The following RAB38 variants were observed in gnomAD, a reference collection of about 807,000 sequenced individuals.
RAB38 encodes the protein ras-related protein Rab-38.
RAB38 carries 15 observed loss-of-function variants against 18.4 expected under a neutral mutation model. The observed-to-expected ratio is 0.82, with a 90% CI of 0.55 to 1.26. The LOEUF (loss-of-function observed/expected upper bound fraction) is 1.26. RAB38 is among the 50% of genes most tolerant of loss of function. RAB38 has a pLI of 0.00. For synonymous variants in RAB38, 101 were observed against 104.4 expected (o/e 0.97, Z 0.20); for missense variants, 294 against 267.4 (o/e 1.10, Z -0.69).
the RAB38 span, among the ~76,000 whole-genome samples, chr11:88,080,322 T>C: frequency 6.6e-6 from 1 of 151,840 alleles, no homozygotes; most frequent in African/African-American, 2.4e-5. Context: ...ATAAATCCAA[T>C]AATAAATATG....
the RAB38 span, among the ~76,000 whole-genome samples, chr11:87,941,092 A>C: frequency 2.0e-3 from 296 of 151,222 alleles, no homozygotes; most frequent in Non-Finnish European, 3.1e-3. Flanking sequence ...CTCTTAAAAG[A>C]ACCTGAAGTT....
At chr11:87,905,446 T>G in the RAB38 span, among the ~76,000 whole-genome samples, 1 of 151,856 alleles carries the variant, frequency 6.6e-6, no homozygotes, top group African/African-American at 2.4e-5. Flanking sequence ...ACCTTATAAA[T>G]GGTGTATTTT....
At chr11:88,016,967 C>T in the RAB38 span, among the ~76,000 whole-genome samples, 1 of 151,962 alleles carries the variant, frequency 6.6e-6, no homozygotes, top group Non-Finnish European at 1.5e-5. Context: ...CCAACAGTTA[C>T]AAAGCAAAAT....
intron 1 of RAB38, chr11:88,166,874 T>G (rs143432731): frequency 4.8e-4 from 73 of 152,262 alleles, no homozygotes; most frequent in African/African-American, 1.7e-3. Flanking sequence ...TGAACAGAAG[T>G]CTATTTTTTA....
At chr11:88,044,959 C>A in the RAB38 span, among the ~76,000 whole-genome samples, 12 of 152,334 alleles carry the variant, frequency 7.9e-5, no homozygotes, top group East Asian at 1.9e-4. Flanking sequence ...AGCCCTCCCC[C>A]ACCTGCCCAG....
chr11:87,962,356 G>C, the RAB38 span, among the ~76,000 whole-genome samples: 3 of 152,106 alleles, frequency 2.0e-5, no homozygotes, highest in African/African-American at 7.2e-5. Flanking sequence ...TGAACCTGCA[G>C]GACATTACGC....
At chr11:87,809,140 T>G in the RAB38 span, among the ~76,000 whole-genome samples, 1 of 152,192 alleles carries the variant, frequency 6.6e-6, no homozygotes, top group East Asian at 1.9e-4. Context: ...TTAACGTAAA[T>G]GAAGAAAGTG....
At chr11:87,857,386 G>C in the RAB38 span, among the ~76,000 whole-genome samples, 42 of 152,212 alleles carry the variant, frequency 2.8e-4, 1 homozygote, top group Admixed American at 2.7e-3. Context: ...CCCAGTAATG[G>C]GATGGCTGGG....
chr11:88,034,298 C>T, the RAB38 span, among the ~76,000 whole-genome samples: 1 of 152,176 alleles, frequency 6.6e-6, no homozygotes, highest in African/African-American at 2.4e-5. Flanking sequence ...GGTTATTACA[C>T]GTAAGTGTTA....
chr11:87,952,428 A>G, the RAB38 span, among the ~76,000 whole-genome samples: 1 of 151,908 alleles, frequency 6.6e-6, no homozygotes, highest in African/African-American at 2.4e-5. Flanking sequence ...CTTGTTTCTT[A>G]TTTTCTGTTG....
the RAB38 span, among the ~76,000 whole-genome samples, chr11:87,890,663 C>G: frequency 6.6e-6 from 1 of 151,792 alleles, no homozygotes; most frequent in Non-Finnish European, 1.5e-5. Flanking sequence ...TAGCCATAAT[C>G]GAAACTTCCT....
At chr11:88,174,620 C>CAAAAAAAAAAAAAAA (rs60026669) in intron 1 of RAB38, among the ~76,000 whole-genome samples, 21 of 101,100 alleles carry the variant, frequency 2.1e-4, no homozygotes, top group East Asian at 7.0e-4. Flanking sequence ...AAGCAAAAAG[C>CAAAAAAAAAAAAAAA]AAAAAAAAAA....
intron 1 of RAB38, among the ~76,000 whole-genome samples, chr11:88,154,343 T>G (rs1943099849): frequency 6.6e-6 from 1 of 152,124 alleles, no homozygotes; most frequent in South Asian, 2.1e-4. Context: ...CAACCAGAAC[T>G]GTGGAAAGCC....
the RAB38 span, chr11:87,917,909 A>G: frequency 6.6e-6 from 1 of 152,034 alleles, no homozygotes; most frequent in African/African-American, 2.4e-5. Context: ...TTTTTTAATA[A>G]AAGAAAGGGG....
chr11:87,941,240 T>TATATAGGATATATATTTTTATAA, the RAB38 span, among the ~76,000 whole-genome samples: 6 of 131,798 alleles, frequency 4.6e-5, no homozygotes, highest in African/African-American at 1.4e-4. Context: ...TATATATATA[T>TATATAGGATATATATTTTTATAA]ATATATGTAA....
the RAB38 span, among the ~76,000 whole-genome samples, chr11:88,011,338 T>C: frequency 6.6e-6 from 1 of 152,360 alleles, no homozygotes; most frequent in South Asian, 2.1e-4. Flanking sequence ...TTAAAATTTA[T>C]AGTCTCATTT....
At chr11:87,848,699 A>G in the RAB38 span, among the ~76,000 whole-genome samples, 1 of 152,082 alleles carries the variant, frequency 6.6e-6, no homozygotes, top group Non-Finnish European at 1.5e-5. Context: ...GAAGTTCCTT[A>G]TCTCTCTGAG....
chr11:88,159,404 C>T (rs534382548), intron 1 of RAB38, among the ~76,000 whole-genome samples: 2 of 150,836 alleles, frequency 1.3e-5, no homozygotes, highest in South Asian at 2.1e-4. Context: ...AATGGCCACA[C>T]TGCCCCCCAA....
At chr11:87,936,012 T>G in the RAB38 span, among the ~76,000 whole-genome samples, 220 of 152,284 alleles carry the variant, frequency 1.4e-3, 2 homozygotes, top group African/African-American at 4.8e-3. Flanking sequence ...ATTTGTTTTA[T>G]TTGCTGTTGA....
Sources: allele counts gnomAD v4.1 joint callset (sites outside exome capture counted in the v4.1 genomes callset), GRCh38; gene constraint gnomAD v4.1.1; transcripts MANE v1.5; gene names NCBI Gene and HGNC (gene_info 2026-07-23, HGNC 2026-07-21).